C13orf42: variants seen among roughly 807,000 people sequenced by gnomAD.
The protein encoded by C13orf42 is uncharacterized protein C13orf42.
intron 1 of C13orf42, among the ~76,000 whole-genome samples, chr13:51,120,167 A>T (rs1953522561): frequency 6.6e-6 from 1 of 152,198 alleles, no homozygotes; most frequent in Non-Finnish European, 1.5e-5. Context: ...AATCATGGTT[A>T]ATATTTGCAA....
rs1313793410 is a variant in C13orf42, at chr13:51,111,130, G to T, written c.80C>A (p.Ala27Asp). The change falls in exon 1 of 4, where the codon GCC (alanine) becomes GAC (aspartate). Residue 27 changes from alanine (A) to aspartate (D), a missense_variant. Ala to Asp is a moderately radical substitution (Grantham distance 126). Transcript: ENST00000563710. ...TAAESPFYEG[A>D]SPAVKLIRSS... ...TCGAATCAGCTTCACTGCGGGGCTG[G>T]CTCCTTCGTAGAAGGGGCTCTCGGC... is the stretch of plus-strand genomic sequence containing the variant. 1 of 398,520 alleles carries T rather than the reference G, an allele frequency of 2.5e-6. No individual in the cohort carries two copies. Among genetic ancestry groups the T allele is most frequent in the East Asian group, 3.6e-5 (1 of 28,098 alleles). 24.7% of individuals were successfully genotyped at this position (398,520 alleles called of 1,614,324 possible). A position where few individuals can be genotyped will look rare whatever the true frequency, so the allele number is the denominator to read the frequency against.
intron 1 of C13orf42, among the ~76,000 whole-genome samples, chr13:51,140,981 C>T (rs914427997): frequency 5.9e-5 from 9 of 151,944 alleles, no homozygotes; most frequent in African/African-American, 1.7e-4. Flanking sequence ...GTTAGTTTAG[C>T]AGCATTTTGT....
intron 1 of C13orf42, among the ~76,000 whole-genome samples, chr13:51,095,595 T>A (rs1054614947): frequency 6.6e-6 from 1 of 152,058 alleles, no homozygotes; most frequent in Non-Finnish European, 1.5e-5. Flanking sequence ...TTTGGACCCA[T>A]CTTCAAGTCT....
chr13:51,142,432 T>G (rs12855038), intron 1 of C13orf42, among the ~76,000 whole-genome samples: 18,733 of 152,144 alleles, frequency 0.12, 1,252 homozygotes, highest in African/African-American at 0.15. Flanking sequence ...TCATAAATAA[T>G]CTACATAAAC....
intron 1 of C13orf42, among the ~76,000 whole-genome samples, chr13:51,165,650 G>A (rs1953897490): frequency 6.6e-6 from 1 of 151,680 alleles, no homozygotes; most frequent in South Asian, 2.1e-4. Flanking sequence ...GTGTAGATAG[G>A]TCATGTGAGA....
chr13:51,120,993 G>A (rs920357989), intron 1 of C13orf42, among the ~76,000 whole-genome samples: 4 of 152,174 alleles, frequency 2.6e-5, no homozygotes, highest in Non-Finnish European at 4.4e-5. Flanking sequence ...CAGTCTGGGC[G>A]ACTGAGCGAG....
At chr13:51,139,442 G>A (rs1331179260) in intron 1 of C13orf42, among the ~76,000 whole-genome samples, 5 of 152,120 alleles carry the variant, frequency 3.3e-5, no homozygotes, top group Admixed American at 1.3e-4. Context: ...ACTGTCAGAC[G>A]CATTTGGACC....
At chr13:51,111,918 C>G (rs544771703), upstream of C13orf42, among the ~76,000 whole-genome samples, 316 of 152,296 alleles carry the variant, frequency 2.1e-3, 1 homozygote, top group African/African-American at 7.3e-3. Flanking sequence ...CGGATAGCAG[C>G]CCATTGTGGA....
intron 1 of C13orf42, among the ~76,000 whole-genome samples, chr13:51,125,236 A>G (rs1181094099): frequency 6.6e-6 from 1 of 152,208 alleles, no homozygotes; most frequent in Non-Finnish European, 1.5e-5. Context: ...TTGCAGGAAG[A>G]TTGGCAAACG....
chr13:51,126,817 GACA>G (rs1953581291), intron 1 of C13orf42, among the ~76,000 whole-genome samples: 10 of 152,190 alleles, frequency 6.6e-5, no homozygotes, highest in Admixed American at 6.5e-4. Context: ...GATTATTTCT[GACA>G]AATGAAGAAT....
intron 1 of C13orf42, among the ~76,000 whole-genome samples, chr13:51,096,468 T>C (rs1297476659): frequency 6.6e-6 from 1 of 152,228 alleles, no homozygotes; most frequent in African/African-American, 2.4e-5. Flanking sequence ...AATTGAATAG[T>C]AGAGGTTTCA....
At chr13:51,136,452 G>A (rs992240978) in intron 1 of C13orf42, among the ~76,000 whole-genome samples, 5 of 152,194 alleles carry the variant, frequency 3.3e-5, no homozygotes, top group Non-Finnish European at 5.9e-5. Context: ...CAGATTCTGA[G>A]TCTTTTAGTC....
intron 1 of C13orf42, among the ~76,000 whole-genome samples, chr13:51,138,508 A>AG (rs36043013): frequency 0.12 from 18,875 of 152,168 alleles, 1,287 homozygotes; most frequent in African/African-American, 0.16. Context: ...AATCAAAACC[A>AG]GAATGAGATA....
chr13:51,170,488 C>G (rs1303048638), intron 1 of C13orf42, among the ~76,000 whole-genome samples: 1 of 152,176 alleles, frequency 6.6e-6, no homozygotes, highest in Non-Finnish European at 1.5e-5. Flanking sequence ...TTACTCTCTT[C>G]TCCAATCTCC....
intron 1 of C13orf42, among the ~76,000 whole-genome samples, chr13:51,125,940 C>G (rs1000766981): frequency 1.3e-5 from 2 of 152,224 alleles, no homozygotes; most frequent in African/African-American, 4.8e-5. Context: ...CAGGGGGCAG[C>G]ACGTCTGCAG....
rs781670648 is a variant in C13orf42 at position 51,082,957 on chromosome 13, T to C, written c.*1194A>G. On this transcript the variant is annotated 3_prime_UTR_variant, in exon 4 of 4. Coordinates refer to ENST00000563710, the MANE Select transcript of C13orf42 (RefSeq NM_001351589.3). ...AAAAAATGGAACAATAAGAATATCA[T>C]CCCACAGGCATGGCAGAAAGGAAGC... The C allele has an allele frequency of 6.6e-6, 1 of 152,222 alleles. No individual in the cohort carries two copies. Among genetic ancestry groups the C allele is most frequent in the Non-Finnish European group, 1.5e-5 (1 of 68,042 alleles). The allele number at this position is 152,222 out of a possible 1,614,324, so 9.4% of individuals were successfully genotyped here.
At chr13:51,149,143 C>A (rs111821999) in intron 1 of C13orf42, among the ~76,000 whole-genome samples, 1 of 152,022 alleles carries the variant, frequency 6.6e-6, no homozygotes, top group African/African-American at 2.4e-5. Context: ...TCCGTCACTG[C>A]GGTGGCAGCT....
intron 2 of C13orf42, among the ~76,000 whole-genome samples, chr13:51,086,764 T>A (rs1027019536): frequency 3.3e-5 from 5 of 152,178 alleles, no homozygotes; most frequent in South Asian, 2.1e-4. Flanking sequence ...GATTTTGTCA[T>A]CCTTTCACCA....
At chr13:51,141,628 T>C (rs539009475) in intron 1 of C13orf42, among the ~76,000 whole-genome samples, 5 of 152,078 alleles carry the variant, frequency 3.3e-5, no homozygotes, top group Non-Finnish European at 7.4e-5. Flanking sequence ...TGAAACTCCA[T>C]CTCTACTAAA....
Sources: allele counts gnomAD v4.1 joint callset (sites outside exome capture counted in the v4.1 genomes callset), GRCh38; gene constraint gnomAD v4.1.1; transcripts MANE v1.5; gene names NCBI Gene and HGNC (gene_info 2026-07-23, HGNC 2026-07-21).